The following STK17A variants were observed in gnomAD, a reference collection of about 807,000 sequenced individuals.
The protein encoded by STK17A is serine/threonine kinase 17a.
A neutral mutation model predicts 43.7 loss-of-function variants in STK17A; 26 were observed. The observed-to-expected ratio is 0.60, with a 90% CI of 0.44 to 0.83. The LOEUF (loss-of-function observed/expected upper bound fraction) is 0.83. Ranked by LOEUF, STK17A falls within the 40% of genes least tolerant of loss-of-function variation. The pLI is 0.00. For synonymous variants in STK17A, 191 were observed against 182.5 expected, an observed-to-expected ratio of 1.05 and a Z score of -0.38; for missense variants, 476 against 511.6, an observed-to-expected ratio of 0.93 and a Z score of 0.67.
intron 4 of STK17A, 90 bp from the exon 5 acceptor site, chr7:43,623,482 T>C (rs2084135572): frequency 7.5e-6 from 8 of 1,069,538 alleles, no homozygotes; most frequent in Admixed American, 2.0e-5. Flanking sequence ...TAGTGCCTTA[T>C]AGTTTCTAAT....
rs563850644 is a variant in STK17A at position 43,595,705 on chromosome 7, T to C, written c.207-196T>C. On this transcript the variant is annotated intron_variant, in intron 1 of 6. Transcript: ENST00000319357. ...TTAGAAAATGAATTGTGCAGGTTTA[T>C]ACATTTTGTTTTATTTGATAAATCT... 1.1e-4 allele frequency among the ~76,000 whole-genome samples: 17 copies of C among 152,370 alleles called. No homozygotes were observed. In the South Asian group the frequency reaches 3.3e-3, roughly 30 times the overall value.
chr7:43,613,891 AAGT>A (rs796733211), intron 3 of STK17A, among the ~76,000 whole-genome samples: 8 of 152,314 alleles, frequency 5.3e-5, no homozygotes, highest in South Asian at 2.1e-4. Flanking sequence ...ATTTCAAAAA[AAGT>A]AGCCAGAAGC....
At chr7:43,594,875 T>TAAAAAAA (rs199560986) in intron 1 of STK17A, among the ~76,000 whole-genome samples, 2 of 107,436 alleles carry the variant, frequency 1.9e-5, no homozygotes, top group Non-Finnish European at 4.2e-5. Context: ...CCCAGTCTCT[T>TAAAAAAA]AAAAAAAAAA....
At chr7:43,585,178 C>T (rs1244984624) in intron 1 of STK17A, among the ~76,000 whole-genome samples, 1 of 151,660 alleles carries the variant, frequency 6.6e-6, no homozygotes, top group Non-Finnish European at 1.5e-5. Context: ...GCTTGGGTGA[C>T]AGAGTGAGAC....
intron 2 of STK17A, among the ~76,000 whole-genome samples, chr7:43,598,193 A>T (rs1054232072): frequency 2.6e-5 from 4 of 152,090 alleles, no homozygotes; most frequent in Non-Finnish European, 5.9e-5. Context: ...ATGGTCGGCC[A>T]GGCACGGTGG....
In STK17A at chr7:43,587,528, A is replaced by C. The variant is rs753397257; in HGVS notation, c.206+4079A>C. Among the ~76,000 whole-genome samples the C allele has an allele frequency of 3.6e-4, 54 of 151,482 alleles. 2 individuals carry two copies. The highest frequency in any genetic ancestry group is 6.4e-4 in the Non-Finnish European group (43 of 67,614). On this transcript the variant is annotated intron_variant, in intron 1 of 6. Coordinates refer to ENST00000319357, the MANE Select transcript of STK17A (RefSeq NM_004760.3). The stretch of plus-strand genomic sequence containing the variant: ...TTATCAGAGAATAAGAGAATATTCA[A>C]ACTGAAAGGGGACTCTGGGTGGGTA...
rs553487649 is a variant in STK17A at position 43,617,004 on chromosome 7, C to T, written c.565-2593C>T. ...TCACTACCATCTTAGGCCTTCTCAC[C>T]AAGTTGAGACTAGGCAAAGAAGAAC... is the stretch of plus-strand genomic sequence containing the variant. On this transcript the variant is annotated intron_variant, in intron 3 of 6. Coordinates refer to ENST00000319357, the MANE Select transcript of STK17A (RefSeq NM_004760.3). Among the ~76,000 whole-genome samples, 18 of 152,314 alleles carry T rather than the reference C, an allele frequency of 1.2e-4. No homozygotes were observed. In the South Asian group the frequency reaches 3.7e-3, roughly 32 times the overall value.
chr7:43,583,888 A>G (rs1037207821), intron 1 of STK17A, among the ~76,000 whole-genome samples: 2 of 152,258 alleles, frequency 1.3e-5, no homozygotes, highest in African/African-American at 2.4e-5. Flanking sequence ...AATAAAATAC[A>G]GCATCCGTTG....
At chr7:43,615,321 G>A (rs2083246029) in intron 3 of STK17A, among the ~76,000 whole-genome samples, 1 of 152,070 alleles carries the variant, frequency 6.6e-6, no homozygotes, top group Non-Finnish European at 1.5e-5. Context: ...GACTACAGGT[G>A]TACACCACCA....
intron 4 of STK17A, 33 bp from the exon 5 acceptor site, chr7:43,623,539 A>C (rs759766186): frequency 1.3e-6 from 2 of 1,595,348 alleles, no homozygotes; most frequent in Non-Finnish European, 1.7e-6. Context: ...TTTTTCCACA[A>C]AACTAAATGT....
chr7:43,622,134 A>G (rs1291015734), intron 4 of STK17A, among the ~76,000 whole-genome samples: 2 of 152,204 alleles, frequency 1.3e-5, no homozygotes, highest in Non-Finnish European at 2.9e-5. Context: ...AGCTATTGGT[A>G]TTTCCTGTAC....
At chr7:43,624,489 T>C (rs781759654) in intron 6 of STK17A, 29 bp from the exon 7 acceptor site, 1 of 1,574,448 alleles carries the variant, frequency 6.4e-7, no homozygotes, top group Non-Finnish European at 8.6e-7. Context: ...TTCTAACATG[T>C]CTTAACTGTA....
intron 3 of STK17A, among the ~76,000 whole-genome samples, chr7:43,619,272 A>T (rs561731530): frequency 4.2e-4 from 64 of 152,272 alleles, no homozygotes; most frequent in Non-Finnish European, 3.7e-4. Flanking sequence ...CAAGAAGCTG[A>T]GCTTTGAGGG....
rs747876258 is a variant in STK17A at position 43,624,618 on chromosome 7, A to G, written c.1021A>G (p.Asn341Asp). Residue 341 changes from asparagine (N) to aspartate (D), a missense_variant, in exon 7 of 7, where the codon AAT (asparagine) becomes GAT (aspartate). Around this residue, in one of 3 missense-constraint regions of STK17A, gnomAD observed 110 missense variants for 103.7 expected, o/e 1.06. Coordinates refer to ENST00000319357, the MANE Select transcript of STK17A (RefSeq NM_004760.3). ...FRMEKALEEA[N>D]ALQEGHSVPE... ...GATGGAAAAGGCACTAGAAGAAGCA[A>G]ATGCCCTCCAAGAAGGTCATTCTGT... 1.2e-5 allele frequency: 20 copies of G among 1,613,996 alleles called. No individual in the cohort carries two copies. The highest frequency in any genetic ancestry group is 2.2e-5 in the South Asian group (2 of 91,084).
rs915549176 is a variant in STK17A, at chr7:43,626,621, C to CAA, written c.*1781_*1782dup. On this transcript the variant is annotated 3_prime_UTR_variant, in exon 7 of 7. Coordinates refer to ENST00000319357, the MANE Select transcript of STK17A (RefSeq NM_004760.3). ...GGAAGAAGTTAAACACAGTATTAGG[C>CAA]AAATATTTATCTCTCTGAAAAAATA... The CAA allele has an allele frequency of 1.6e-4, 25 of 152,032 alleles. No individual in the cohort carries two copies. The highest frequency in any genetic ancestry group is 5.8e-4 in the African/African-American group (24 of 41,408). The allele number at this position is 152,032 out of a possible 1,614,324, so 9.4% of individuals were successfully genotyped here.
rs1451086716 is a variant in STK17A, at chr7:43,594,815, G to A, written c.207-1086G>A. Reference sequence around the variant, plus strand: ...GAGGCTCATGCCTTTAATCCTAGCAGGATCACTTGAGGCCAGGAGTTCAAT... The same window carrying A: ...GAGGCTCATGCCTTTAATCCTAGCAAGATCACTTGAGGCCAGGAGTTCAAT... On this transcript the variant is annotated intron_variant, in intron 1 of 6. Transcript: ENST00000319357. Among the ~76,000 whole-genome samples, 6 of 149,306 alleles carry A rather than the reference G, an allele frequency of 4.0e-5. No homozygotes were observed. In the East Asian group the frequency reaches 1.2e-3, roughly 29 times the overall value.
intron 4 of STK17A, chr7:43,623,320 T>C (rs1359124536): frequency 2.5e-6 from 1 of 403,384 alleles, no homozygotes; most frequent in Non-Finnish European, 4.4e-6. Flanking sequence ...TTGGTGTTTT[T>C]AAAATATTTA....
At chr7:43,587,925 A>G (rs772462335) in intron 1 of STK17A, among the ~76,000 whole-genome samples, 11 of 151,632 alleles carry the variant, frequency 7.3e-5, no homozygotes, top group Admixed American at 2.6e-4. Context: ...TCATGCTTCA[A>G]ATGTTAAAAT....
In STK17A at chr7:43,625,073, A is replaced by G. The variant is rs1190059048; in HGVS notation, c.*231A>G. 1 of 358,386 alleles carries G rather than the reference A, an allele frequency of 2.8e-6. No individual in the cohort carries two copies. The highest frequency in any genetic ancestry group is 5.0e-6 in the Non-Finnish European group (1 of 198,606). The allele number at this position is 358,386 out of a possible 1,614,324, so 22.2% of individuals were successfully genotyped here. ...GTTTCAATGTTATTTTTAAGAAGGG[A>G]GATGTTGGCACCTTTGAATTCTACA... On this transcript the variant is annotated 3_prime_UTR_variant, in exon 7 of 7. Coordinates refer to ENST00000319357, the MANE Select transcript of STK17A (RefSeq NM_004760.3).
Sources: gnomAD v4.1 joint callset for allele counts (sites outside exome capture counted in the v4.1 genomes callset) on GRCh38, gnomAD v4.1.1 for gene constraint, gnomAD v4.1.1 regional missense constraint, MANE v1.5 for transcripts, NCBI Gene and HGNC (gene_info 2026-07-23, HGNC 2026-07-21) for gene names.